DPYD: variants seen among roughly 807,000 people sequenced by gnomAD.
DPYD encodes the protein dihydropyrimidine dehydrogenase, also known as dihydropyrimidine dehydrogenase [NADP(+)].
DPYD carries 109 observed loss-of-function variants against 116.2 expected under a neutral mutation model. That is an observed-to-expected ratio of 0.94 (90% CI 0.80 to 1.10). DPYD has a LOEUF of 1.10. Ranked by LOEUF, DPYD falls within the 50% of genes least tolerant of loss-of-function variation. The probability of loss-of-function intolerance (pLI) is 0.00; values close to 1 mark genes in which losing one functional copy is unlikely to be tolerated. For synonymous variants in DPYD, 440 were observed against 432.0 expected, an observed-to-expected ratio of 1.02 and a Z score of -0.23; for missense variants, 1,302 against 1,254.5, an observed-to-expected ratio of 1.04 and a Z score of -0.57.
chr1:97,583,204 C>G (rs1653819713), intron 10 of DPYD, among the ~76,000 whole-genome samples: 1 of 152,106 alleles, frequency 6.6e-6, no homozygotes. Flanking sequence ...CTCCTGACCT[C>G]GTGATCCACC....
chr1:97,399,259 A>G (rs560497594), intron 14 of DPYD, among the ~76,000 whole-genome samples: 1 of 152,136 alleles, frequency 6.6e-6, no homozygotes, highest in African/African-American at 2.4e-5. Context: ...ATAGTTGTAG[A>G]TGTGTGGCAT....
chr1:97,326,870 A>G (rs1478368793), intron 16 of DPYD, among the ~76,000 whole-genome samples: 1 of 152,070 alleles, frequency 6.6e-6, no homozygotes, highest in Non-Finnish European at 1.5e-5. Context: ...AAACAAATAT[A>G]GCAATTAATT....
chr1:97,840,804 A>T (rs1670000364), intron 2 of DPYD, among the ~76,000 whole-genome samples: 1 of 152,076 alleles, frequency 6.6e-6, no homozygotes, highest in Non-Finnish European at 1.5e-5. Flanking sequence ...CCAAGAGTTT[A>T]TTTTTTCTCA....
At chr1:97,890,912 A>G (rs1014864041) in intron 1 of DPYD, among the ~76,000 whole-genome samples, 15 of 152,010 alleles carry the variant, frequency 9.9e-5, no homozygotes, top group Admixed American at 7.9e-4. Flanking sequence ...TTTCTTTCAC[A>G]TAGCATAAGT....
At chr1:97,505,859 A>G (rs1397028656) in intron 13 of DPYD, among the ~76,000 whole-genome samples, 1 of 151,972 alleles carries the variant, frequency 6.6e-6, no homozygotes, top group Non-Finnish European at 1.5e-5. Flanking sequence ...GACACATGAG[A>G]TATTGTAGAA....
In DPYD at chr1:97,234,881, A is replaced by G; in HGVS notation, c.2413T>C (p.Phe805Leu). 1.2e-6 allele frequency: 2 copies of G among 1,614,022 alleles called. No homozygotes were observed. Among genetic ancestry groups the G allele is most frequent in the Non-Finnish European group, 1.7e-6 (2 of 1,179,972 alleles). ...GIDSAESGLQFLHSGASVLQV... is the reference protein window; with the variant it reads ...GIDSAESGLQLLHSGASVLQV... ...AGGACGGAAGCACCACTATGGAGAA[A>G]CTGAAGACCACTTTCAGCAGAGTCA... The change falls in exon 19 of 23, where the codon TTT becomes CTT. Residue 805 changes from phenylalanine (F) to leucine (L), a missense_variant. By Grantham distance (22) the Phe-to-Leu change is conservative (BLOSUM62 0). Transcript: ENST00000370192.
chr1:97,784,840 TA>T, intron 3 of DPYD, among the ~76,000 whole-genome samples: 1 of 152,214 alleles, frequency 6.6e-6, no homozygotes, highest in African/African-American at 2.4e-5. Context: ...TACAGTTAAA[TA>T]GACACTAACA....
intron 2 of DPYD, among the ~76,000 whole-genome samples, chr1:97,877,475 C>T (rs907780051): frequency 2.0e-5 from 3 of 152,014 alleles, no homozygotes; most frequent in East Asian, 1.9e-4. Context: ...AAAGAGGTCA[C>T]GTGACTTGCA....
chr1:97,189,815 C>T (rs1301869637), intron 20 of DPYD, among the ~76,000 whole-genome samples: 1 of 152,060 alleles, frequency 6.6e-6, no homozygotes. Context: ...CTCTCCAGCC[C>T]CAGCAAGGTG....
rs577332245 is a variant in DPYD at position 97,310,728 on chromosome 1, C to T, written c.2059-4431G>A. On this transcript the variant is annotated intron_variant, in intron 16 of 22. Transcript: ENST00000370192. ...AGGTAGACATGGACTTACTAATTAA[C>T]CCAGAAATTCAACTCTTAATTATAT... is the stretch of plus-strand genomic sequence containing the variant. Among the ~76,000 whole-genome samples, 6 of 151,788 alleles carry T rather than the reference C, an allele frequency of 4.0e-5. No homozygotes were observed. The South Asian group carries it at 1.0e-3, about 26-fold the overall frequency.
rs1053510212 is a variant in DPYD, at chr1:97,871,504, A to T, written c.150+11760T>A. On this transcript the variant is annotated intron_variant, in intron 2 of 22. Transcript: ENST00000370192. ...TTCGGCCAGAGTGGAATTCCCCACG[A>T]CAATACAAACCTCTATCCTATGATA... 2.6e-5 allele frequency among the ~76,000 whole-genome samples: 4 copies of T among 151,662 alleles called. No homozygotes were observed. The East Asian group carries it at 7.8e-4, about 30-fold the overall frequency.
At chr1:97,757,162 G>C (rs1665297464) in intron 3 of DPYD, among the ~76,000 whole-genome samples, 1 of 152,122 alleles carries the variant, frequency 6.6e-6, no homozygotes, top group African/African-American at 2.4e-5. Context: ...GAAAATGATG[G>C]CAAGTAATAC....
intron 8 of DPYD, among the ~76,000 whole-genome samples, chr1:97,658,988 C>G (rs1465868277): frequency 6.6e-6 from 1 of 152,126 alleles, no homozygotes; most frequent in Non-Finnish European, 1.5e-5. Context: ...TCCTAATCAT[C>G]TTTGCAACTC....
intron 1 of DPYD, among the ~76,000 whole-genome samples, chr1:97,902,765 T>C (rs1673428815): frequency 6.6e-6 from 1 of 151,838 alleles, no homozygotes; most frequent in African/African-American, 2.4e-5. Context: ...AGACACAGAA[T>C]ATTTTCCTAA....
chr1:97,442,176 C>T (rs1391803856), intron 14 of DPYD, among the ~76,000 whole-genome samples: 1 of 151,974 alleles, frequency 6.6e-6, no homozygotes, highest in Non-Finnish European at 1.5e-5. Context: ...GCTTTCTGTA[C>T]TTTATCTTGT....
intron 13 of DPYD, among the ~76,000 whole-genome samples, chr1:97,470,153 T>C (rs1677561846): frequency 6.6e-6 from 1 of 152,132 alleles, no homozygotes; most frequent in South Asian, 2.1e-4. Flanking sequence ...TTTCGAATCA[T>C]TTTTTTGATA....
chr1:97,530,902 T>C (rs1321475927), intron 12 of DPYD, among the ~76,000 whole-genome samples: 1 of 152,168 alleles, frequency 6.6e-6, no homozygotes, highest in Admixed American at 6.5e-5. Context: ...CTGTTGGCCA[T>C]TTGTATGGCT....
chr1:97,504,223 C>CT lies in DPYD; in HGVS notation c.1740+11502dup, dbSNP rs1186839805. On this transcript the variant is annotated intron_variant, in intron 13 of 22. Transcript: ENST00000370192. ...TATGTGTTCCCCGCAGTTTTATTTTCTTTTTTGGAGGTTGGTGCACCGTAT... is the reference window on the plus strand; with the variant it reads ...TATGTGTTCCCCGCAGTTTTATTTTCTTTTTTTGGAGGTTGGTGCACCGTAT... Among the ~76,000 whole-genome samples, 4 of 151,996 alleles carry CT rather than the reference C, an allele frequency of 2.6e-5. No homozygotes were observed. In the East Asian group the frequency reaches 7.8e-4, roughly 30 times the overall value.
chr1:97,582,687 T>C (rs1049940339), intron 10 of DPYD, among the ~76,000 whole-genome samples: 17 of 152,188 alleles, frequency 1.1e-4, no homozygotes, highest in Non-Finnish European at 4.4e-5. Context: ...TAGTACCTGG[T>C]ATGGTATTAC....
Sources: gnomAD v4.1 joint callset for allele counts (sites outside exome capture counted in the v4.1 genomes callset) on GRCh38, gnomAD v4.1.1 for gene constraint, MANE v1.5 for transcripts, NCBI Gene and HGNC (gene_info 2026-07-23, HGNC 2026-07-21) for gene names.